Variants in ANTXR1 observed in about 807,000 individuals in gnomAD.
ANTXR1 encodes the protein ANTXR cell adhesion molecule 1.
A neutral mutation model predicts 78.1 loss-of-function variants in ANTXR1; 19 were observed. That is an observed-to-expected ratio of 0.24 (90% CI 0.17 to 0.36). ANTXR1 has a LOEUF of 0.36. Among genes scored for constraint, ANTXR1 ranks in the 10% least tolerant of loss-of-function variants. The pLI, the probability that ANTXR1 is intolerant of heterozygous loss-of-function variation, is 1.00. For synonymous variants in ANTXR1, 273 were observed against 260.5 expected (o/e 1.05, Z -0.46); for missense variants, 518 against 718.6 (o/e 0.72, Z 3.19).
At chr2:69,046,340 T>G (rs75107663) in intron 3 of ANTXR1, among the ~76,000 whole-genome samples, 32 of 152,258 alleles carry the variant, frequency 2.1e-4, no homozygotes, top group Non-Finnish European at 3.1e-4. Flanking sequence ...ATAAACACTA[T>G]CAGAATGCCA....
At chr2:69,197,019 C>G (rs1385197856) in intron 17 of ANTXR1, among the ~76,000 whole-genome samples, 1 of 152,212 alleles carries the variant, frequency 6.6e-6, no homozygotes. Flanking sequence ...TTGGCACCCA[C>G]CTCCTCAGAA....
chr2:69,240,118 T>G lies in ANTXR1; in HGVS notation c.1435-5107T>G, dbSNP rs115162016. On this transcript the variant is annotated intron_variant, in intron 17 of 17. Coordinates refer to ENST00000303714, the MANE Select transcript of ANTXR1 (RefSeq NM_032208.3). Reference sequence around the variant, plus strand: ...CTAAACTCATAGCTGTGTTCCTGGATCCTTGACCTTTGGAGAGCTTAAACC... The same window carrying G: ...CTAAACTCATAGCTGTGTTCCTGGAGCCTTGACCTTTGGAGAGCTTAAACC... Among the ~76,000 whole-genome samples the G allele has an allele frequency of 8.4e-3, 1,285 of 152,326 alleles. 8 individuals are homozygous for G. Among genetic ancestry groups the G allele is most frequent in the Middle Eastern group, 0.068 (20 of 294 alleles).
At chr2:69,149,556 C>T (rs964306510) in intron 12 of ANTXR1, among the ~76,000 whole-genome samples, 10 of 152,172 alleles carry the variant, frequency 6.6e-5, no homozygotes, top group Non-Finnish European at 1.0e-4. Context: ...TGTGAATAAA[C>T]GTAGTCTGTA....
chr2:69,022,026 G>T lies in ANTXR1; in HGVS notation c.152+8375G>T, dbSNP rs138758499. 6.0e-4 allele frequency among the ~76,000 whole-genome samples: 91 copies of T among 152,298 alleles called. No individual in the cohort carries two copies. The East Asian group carries it at 0.016, about 26-fold the overall frequency. On this transcript the variant is annotated intron_variant, in intron 1 of 17. Coordinates refer to ENST00000303714, the MANE Select transcript of ANTXR1 (RefSeq NM_032208.3). ...ATTAAATTAGATTAAATGGAAAGTA[G>T]AAATGGAGATTAGACATGCTCTCCT... is the stretch of plus-strand genomic sequence containing the variant.
intron 3 of ANTXR1, among the ~76,000 whole-genome samples, chr2:69,070,432 G>A (rs1209936213): frequency 6.6e-6 from 1 of 152,186 alleles, no homozygotes; most frequent in African/African-American, 2.4e-5. Context: ...TCCTGCAGAA[G>A]AGTCTTTCCC....
At chr2:69,103,990 G>A (rs1011565005) in intron 10 of ANTXR1, among the ~76,000 whole-genome samples, 1 of 149,608 alleles carries the variant, frequency 6.7e-6, no homozygotes, top group African/African-American at 2.5e-5. Flanking sequence ...CCAGGCTGGA[G>A]TACAATGGCA....
intron 4 of ANTXR1, among the ~76,000 whole-genome samples, chr2:69,070,943 G>A (rs1378890917): frequency 6.6e-6 from 1 of 152,166 alleles, no homozygotes. Context: ...CCTGATGAAT[G>A]GTTTGTTAGC....
At chr2:69,218,174 G>A (rs1401844300) in intron 17 of ANTXR1, among the ~76,000 whole-genome samples, 1 of 152,146 alleles carries the variant, frequency 6.6e-6, no homozygotes, top group Admixed American at 6.5e-5. Flanking sequence ...GCCCTCGTGT[G>A]AAAACTGCAG....
At chr2:69,069,712 G>A (rs1558512551) in intron 3 of ANTXR1, among the ~76,000 whole-genome samples, 1 of 152,204 alleles carries the variant, frequency 6.6e-6, no homozygotes, top group Non-Finnish European at 1.5e-5. Context: ...TTATGAGGGT[G>A]AAATCAGAAA....
At chr2:69,184,529 C>A (rs754593263) in intron 16 of ANTXR1, among the ~76,000 whole-genome samples, 10 of 152,206 alleles carry the variant, frequency 6.6e-5, no homozygotes, top group Non-Finnish European at 1.2e-4. Context: ...GAATCTGTAC[C>A]TTGTGACTAA....
At chr2:69,127,278 T>G (rs1052129379) in intron 12 of ANTXR1, among the ~76,000 whole-genome samples, 1 of 152,108 alleles carries the variant, frequency 6.6e-6, no homozygotes, top group Non-Finnish European at 1.5e-5. Context: ...AGTAGCAACC[T>G]GGATAGTGAG....
intron 17 of ANTXR1, among the ~76,000 whole-genome samples, chr2:69,206,030 T>C (rs1340077554): frequency 6.6e-6 from 1 of 152,252 alleles, no homozygotes; most frequent in African/African-American, 2.4e-5. Flanking sequence ...TTTTTTCTTT[T>C]TGGCTGATAC....
At position 69,033,125 on chromosome 2, in the gene ANTXR1, C is replaced by A. The variant is rs187547413; in HGVS notation, c.153-6919C>A. ...TCATCACAAGTCAGTCGAGTGGGGCCAGGCACCCTGTCCTGGGGTCTCTGT... is the reference window on the plus strand; with the variant it reads ...TCATCACAAGTCAGTCGAGTGGGGCAAGGCACCCTGTCCTGGGGTCTCTGT... On this transcript the variant is annotated intron_variant, in intron 1 of 17. Coordinates refer to ENST00000303714, the MANE Select transcript of ANTXR1 (RefSeq NM_032208.3). 0.015 allele frequency among the ~76,000 whole-genome samples: 2,344 copies of A among 152,284 alleles called. 89 individuals carry two copies. The East Asian group carries it at 0.15, about 10-fold the overall frequency.
chr2:69,111,397 G>A (rs2104344388), intron 10 of ANTXR1, among the ~76,000 whole-genome samples: 1 of 152,282 alleles, frequency 6.6e-6, no homozygotes, highest in Middle Eastern at 3.4e-3. Context: ...AAAAATGGAT[G>A]TTTTACTAAT....
At chr2:69,148,387 G>T (rs1673289920) in intron 12 of ANTXR1, among the ~76,000 whole-genome samples, 2 of 152,360 alleles carry the variant, frequency 1.3e-5, no homozygotes, top group Non-Finnish European at 2.9e-5. Context: ...TGAAGTGCTA[G>T]TTCCCAGACA....
intron 2 of ANTXR1, among the ~76,000 whole-genome samples, chr2:69,043,343 A>G (rs1331803165): frequency 2.6e-5 from 4 of 152,216 alleles, no homozygotes; most frequent in Admixed American, 2.6e-4. Context: ...ACAGTTGTTC[A>G]AGTATAATGA....
intron 17 of ANTXR1, among the ~76,000 whole-genome samples, chr2:69,213,569 G>A (rs1316223776): frequency 6.6e-6 from 1 of 152,234 alleles, no homozygotes; most frequent in Non-Finnish European, 1.5e-5. Flanking sequence ...TTCTTTGTAA[G>A]CTGTCATGCC....
At chr2:69,215,577 T>C (rs1675154865) in intron 17 of ANTXR1, among the ~76,000 whole-genome samples, 1 of 152,258 alleles carries the variant, frequency 6.6e-6, no homozygotes, top group Admixed American at 6.5e-5. Flanking sequence ...AGTGAATAAT[T>C]ATTGAATTAA....
At position 69,173,562 on chromosome 2, in the gene ANTXR1, G is replaced by T. The variant is rs77971342; in HGVS notation, c.1089+3273G>T. ...AGAAGGAGGAATGGACCTGGTGCAG[G>T]CCCTGTGGCCTCTCTGAAATAGTAT... On this transcript the variant is annotated intron_variant, in intron 14 of 17. Coordinates refer to ENST00000303714, the MANE Select transcript of ANTXR1 (RefSeq NM_032208.3). 3.4e-4 allele frequency among the ~76,000 whole-genome samples: 52 copies of T among 152,298 alleles called. No individual in the cohort carries two copies. In the East Asian group the frequency reaches 7.9e-3, roughly 23 times the overall value.
Sources: allele counts gnomAD v4.1 joint callset (sites outside exome capture counted in the v4.1 genomes callset), GRCh38; gene constraint gnomAD v4.1.1; transcripts MANE v1.5; gene names NCBI Gene and HGNC (gene_info 2026-07-23, HGNC 2026-07-21).